Variants in CFAP74 observed in about 807,000 individuals in gnomAD.
CFAP74 encodes the protein cilia- and flagella-associated protein 74.
Under a neutral mutation model 188.9 loss-of-function variants are expected in CFAP74, and 124 were observed. The observed-to-expected ratio is 0.66, with a 90% confidence interval of 0.57 to 0.76. The LOEUF is 0.76. Ranked by LOEUF, CFAP74 falls within the 30% of genes least tolerant of loss-of-function variation. The pLI is 0.00. For synonymous variants in CFAP74, 956 were observed against 916.7 expected, an observed-to-expected ratio of 1.04 and a Z score of -0.77; for missense variants, 2,198 against 2,165.2, an observed-to-expected ratio of 1.02 and a Z score of -0.30.
chr1:1,986,718 C>A (rs1444101917), intron 5 of CFAP74, among the ~76,000 whole-genome samples: 1 of 152,236 alleles, frequency 6.6e-6, no homozygotes, highest in Admixed American at 6.5e-5. Context: ...TGACTGCTGA[C>A]CCACTCGGCC....
Position 1,980,402 on chromosome 1 carries a change from G to A in CFAP74, c.500+4984C>T, listed in dbSNP as rs1210878304. 6.6e-5 allele frequency among the ~76,000 whole-genome samples: 7 copies of A among 106,138 alleles called. 1 individual carries two copies. The highest frequency in any genetic ancestry group is 1.0e-4 in the Non-Finnish European group (5 of 49,788). The allele number at this position is 106,138 out of a possible 152,430, so 69.6% of individuals were successfully genotyped here. A position where few individuals can be genotyped will look rare whatever the true frequency, so the allele number is the denominator to read the frequency against. On this transcript the variant is annotated intron_variant, in intron 6 of 38. Coordinates refer to ENST00000682832, the MANE Select transcript of CFAP74 (RefSeq NM_001304360.2). ...AACGAGAGACTGTATCTAAGCCACCGGCACAGATCGCAGTGGGCGCCCTCT... is the reference window on the plus strand; with the variant it reads ...AACGAGAGACTGTATCTAAGCCACCAGCACAGATCGCAGTGGGCGCCCTCT...
intron 6 of CFAP74, among the ~76,000 whole-genome samples, chr1:1,977,654 G>A (rs771174135): frequency 2.0e-5 from 3 of 152,206 alleles, no homozygotes; most frequent in Non-Finnish European, 4.4e-5. Context: ...GAGCCTGTCC[G>A]AGGCTGGCCT....
At chr1:1,939,894 G>A (rs768135738) in intron 23 of CFAP74, 127 bp from the exon 24 acceptor site, 3 of 929,774 alleles carry the variant, frequency 3.2e-6, no homozygotes, top group Non-Finnish European at 4.8e-6. Flanking sequence ...GACACGACGA[G>A]GCCGTCTCTT....
intron 5 of CFAP74, among the ~76,000 whole-genome samples, chr1:1,985,884 AC>A (rs1341415957): frequency 6.6e-6 from 1 of 151,798 alleles, no homozygotes; most frequent in Admixed American, 6.6e-5. Flanking sequence ...GGCATCATCC[AC>A]CCCAGCACAC....
intron 14 of CFAP74, among the ~76,000 whole-genome samples, chr1:1,960,951 G>T (rs1655047321): frequency 6.6e-6 from 1 of 152,190 alleles, no homozygotes; most frequent in Non-Finnish European, 1.5e-5. Flanking sequence ...CAGAAATAGA[G>T]AATTCCAGAC....
At chr1:1,989,090 T>G (rs1355332416) in intron 2 of CFAP74, 117 bp from the exon 3 acceptor site, 1 of 479,780 alleles carries the variant, frequency 2.1e-6, no homozygotes, top group Non-Finnish European at 3.8e-6. Context: ...CCTGCTGCAC[T>G]GCAGCCACAC....
intron 27 of CFAP74, among the ~76,000 whole-genome samples, chr1:1,928,541 C>T (rs991587009): frequency 6.6e-6 from 1 of 152,208 alleles, no homozygotes; most frequent in Non-Finnish European, 1.5e-5. Flanking sequence ...GCCCCTACTG[C>T]CCCCACCTCC....
chr1:1,990,766 GAA>G, intron 2 of CFAP74, 122 bp downstream of exon 2: 1 of 635,972 alleles, frequency 1.6e-6, no homozygotes, highest in Non-Finnish European at 2.6e-6. Flanking sequence ...CTCTTTGAGA[GAA>G]AAATATGAGT....
In CFAP74 at chr1:1,942,562, C is replaced by A. The variant is rs1653456408; in HGVS notation, c.2487-406G>T. Among the ~76,000 whole-genome samples the A allele has an allele frequency of 6.6e-6, 1 of 152,096 alleles. No individual in the cohort carries two copies. Among genetic ancestry groups the A allele is most frequent in the African/African-American group, 2.4e-5 (1 of 41,412 alleles). On this transcript the variant is annotated intron_variant, in intron 21 of 38. Transcript: ENST00000682832. The surrounding 1 kb of genome is among the most constrained non-coding windows in gnomAD (Gnocchi z 4.3). Reference sequence around the variant, plus strand: ...CAGGGCATCCCCACATCCTGCAGCTCAAGCACAGGGCACGTGGGGGGCCTG... The same window carrying A: ...CAGGGCATCCCCACATCCTGCAGCTAAAGCACAGGGCACGTGGGGGGCCTG...
Position 1,970,940 on chromosome 1 carries a change from T to C in CFAP74, c.889-124A>G, listed in dbSNP as rs543828926. ...ACGTGCACACACGTGCACACACACA[T>C]GCACACCTGCACATGCACACATCAC... On this transcript the variant is annotated intron_variant, in intron 9 of 38. Coordinates refer to ENST00000682832, the MANE Select transcript of CFAP74 (RefSeq NM_001304360.2). The C allele has an allele frequency of 1.9e-4, 205 of 1,078,518 alleles. 1 individual carries two copies. The highest frequency in any genetic ancestry group is 9.1e-4 in the South Asian group (63 of 69,566). 66.8% of individuals were successfully genotyped at this position (1,078,518 alleles called of 1,614,324 possible).
chr1:1,979,360 G>A (rs1484203654), intron 6 of CFAP74, among the ~76,000 whole-genome samples: 6 of 144,870 alleles, frequency 4.1e-5, no homozygotes, highest in African/African-American at 1.3e-4. Context: ...CAGAACATGC[G>A]TGTGGTACTG....
intron 27 of CFAP74, among the ~76,000 whole-genome samples, chr1:1,928,575 G>A (rs1652105418): frequency 6.6e-6 from 1 of 152,182 alleles, no homozygotes; most frequent in Admixed American, 6.5e-5. Context: ...CCCTGCTCCC[G>A]CCTGGCAGTG....
Position 1,968,122 on chromosome 1 carries a change from ATGAG to A in CFAP74, c.1245+509_1245+512del, listed in dbSNP as rs959970627. Among the ~76,000 whole-genome samples, 33 of 143,710 alleles carry A rather than the reference ATGAG, an allele frequency of 2.3e-4. No individual in the cohort carries two copies. The highest frequency in any genetic ancestry group is 6.4e-4 in the South Asian group (3 of 4,664). The allele number at this position is 143,710 out of a possible 152,430, so 94.3% of individuals were successfully genotyped here. A position where few individuals can be genotyped will look rare whatever the true frequency, so the allele number is the denominator to read the frequency against. ...GAATGAATGAGTGAATGAATGAAGAATGAGTGAGTGAATGAATGAAGAAAGAATG... is the reference window on the plus strand; with the variant it reads ...GAATGAATGAGTGAATGAATGAAGAATGAGTGAATGAATGAAGAAAGAATG... On this transcript the variant is annotated intron_variant, in intron 11 of 38. Transcript: ENST00000682832. The surrounding 1 kb of genome is among the most constrained non-coding windows in gnomAD (Gnocchi z 4.3).
At position 1,965,033 on chromosome 1, in the gene CFAP74, G is replaced by A. The variant is rs1485015765; in HGVS notation, c.1430C>T (p.Pro477Leu). The change falls in exon 13 of 39, where the codon CCC becomes CTC. Residue 477 changes from proline to leucine, a missense_variant. Physicochemically the swap from Pro to Leu is moderately conservative, Grantham distance 98. Coordinates refer to ENST00000682832, the MANE Select transcript of CFAP74 (RefSeq NM_001304360.2). The stretch of plus-strand genomic sequence containing the variant: ...CTTGTCCATCTTTGTCCCGCCCACG[G>A]GCTTTCGGTCCACGTCCTCCTTGGG... ...QVPKEDVDRK[P>L]VGGTKMDKDI... The A allele has an allele frequency of 6.2e-7, 1 of 1,613,558 alleles. No homozygotes were observed. The highest frequency in any genetic ancestry group is 2.2e-5 in the East Asian group (1 of 44,886).
At position 1,970,631 on chromosome 1, in the gene CFAP74, C is replaced by A. The variant is rs768547213; in HGVS notation, c.1046+28G>T. On this transcript the variant is annotated intron_variant, in intron 10 of 38. Transcript: ENST00000682832. ...CACCCACTGACTGGGCGGGTGCCTC[C>A]CGGTGGCACCTCTGCCACCACCCTC... 16 of 1,582,784 alleles carry A rather than the reference C, an allele frequency of 1.0e-5. No homozygotes were observed. The African/African-American group carries it at 1.9e-4, about 19-fold the overall frequency.
chr1:1,988,985 G>C lies in CFAP74; in HGVS notation c.68-12C>G. The C allele has an allele frequency of 7.6e-7, 1 of 1,323,092 alleles. No individual in the cohort carries two copies. The allele number at this position is 1,323,092 out of a possible 1,614,324, so 82.0% of individuals were successfully genotyped here. On this transcript the variant is annotated splice_polypyrimidine_tract_variant and intron_variant, in intron 2 of 38. Transcript: ENST00000682832. ...TAATTCATCTCTTTCTAGAAATCAA[G>C]GCAAGAGTTTAAAAAAAAAAAAAAG... is the stretch of plus-strand genomic sequence containing the variant.
In CFAP74 at chr1:1,973,797, G is replaced by C. The variant is rs1326709875; in HGVS notation, c.674+228C>G. ...CTTTAGCGGCTGTATGGTGGCTGCGGCATCTTGGGAGGGCTGGGGCTCTGG... is the reference window on the plus strand; with the variant it reads ...CTTTAGCGGCTGTATGGTGGCTGCGCCATCTTGGGAGGGCTGGGGCTCTGG... On this transcript the variant is annotated intron_variant, in intron 7 of 38. Transcript: ENST00000682832. The surrounding 1 kb of genome is among the most constrained non-coding windows in gnomAD (Gnocchi z 6.2). 3.3e-5 allele frequency among the ~76,000 whole-genome samples: 5 copies of C among 151,960 alleles called. No individual in the cohort carries two copies. The highest frequency in any genetic ancestry group is 3.3e-4 in the Admixed American group (5 of 15,262).
chr1:1,997,160 C>T (rs28770275), intron 1 of CFAP74, among the ~76,000 whole-genome samples: 50,959 of 151,602 alleles, frequency 0.34, 9,417 homozygotes, highest in African/African-American at 0.5. Context: ...CGGTGGCGCA[C>T]GCCTGTAATC....
chr1:1,990,748 T>G, intron 2 of CFAP74, 142 bp downstream of exon 2: 1 of 569,184 alleles, frequency 1.8e-6, no homozygotes, highest in Non-Finnish European at 3.1e-6. Context: ...GACAATAATA[T>G]AAGCTCCCTC....
Sources: gnomAD v4.1 joint callset for allele counts (sites outside exome capture counted in the v4.1 genomes callset) on GRCh38, gnomAD v4.1.1 for gene constraint, Gnocchi (gnomAD v3.1) non-coding constraint, MANE v1.5 for transcripts, NCBI Gene and HGNC (gene_info 2026-07-23, HGNC 2026-07-21) for gene names.